NTF3: variants seen among roughly 807,000 people sequenced by gnomAD.
NTF3 encodes the protein neurotrophin-3.
In NTF3, 8 loss-of-function variants were observed where a neutral mutation model predicts 26.3. The observed-to-expected ratio is 0.30, with a 90% CI of 0.18 to 0.55. The LOEUF (loss-of-function observed/expected upper bound fraction) is 0.55, where lower values mean the gene tolerates loss of function less well. Among genes scored for constraint, NTF3 ranks in the 20% least tolerant of loss-of-function variants. The pLI, the probability that NTF3 is intolerant of heterozygous loss-of-function variation, is 0.93. For missense variants in NTF3, 276 were observed against 352.9 expected (o/e 0.78, Z 1.75); for synonymous variants, 154 against 145.5 (o/e 1.06, Z -0.42).
At chr12:5,446,903 T>C (rs1229288483) in intron 1 of NTF3, among the ~76,000 whole-genome samples, 1 of 152,184 alleles carries the variant, frequency 6.6e-6, no homozygotes, top group Non-Finnish European at 1.5e-5. Context: ...GCCGACCTGA[T>C]GCGAGAACCG....
At chr12:5,442,946 G>A (rs117404024) in intron 1 of NTF3, among the ~76,000 whole-genome samples, 2,995 of 151,342 alleles carry the variant, frequency 0.02, 44 homozygotes, top group Middle Eastern at 0.041. Flanking sequence ...GCAGACTACA[G>A]GATGTGGCAG....
At chr12:5,430,373 C>T (rs1235063706), upstream of NTF3, among the ~76,000 whole-genome samples, 1 of 151,958 alleles carries the variant, frequency 6.6e-6, no homozygotes, top group Non-Finnish European at 1.5e-5. Flanking sequence ...GTGGAGGGAA[C>T]GACTCGGCAG....
chr12:5,448,606 T>G (rs1940334740), intron 1 of NTF3, among the ~76,000 whole-genome samples: 1 of 152,174 alleles, frequency 6.6e-6, no homozygotes, highest in Non-Finnish European at 1.5e-5. Context: ...TTTGTTACAT[T>G]GTTTTGGGAG....
At chr12:5,464,607 G>C (rs71459949) in intron 1 of NTF3, among the ~76,000 whole-genome samples, 15,746 of 152,206 alleles carry the variant, frequency 0.1, 1,018 homozygotes, top group Middle Eastern at 0.16. Flanking sequence ...CAGTGAGCCT[G>C]GGTGGGGCCT....
chr12:5,464,338 A>T (rs970465542), intron 1 of NTF3, among the ~76,000 whole-genome samples: 6 of 152,184 alleles, frequency 3.9e-5, no homozygotes, highest in African/African-American at 1.4e-4. Context: ...CTGTGGAAGA[A>T]CTTTTTAGAA....
chr12:5,441,761 T>C (rs1441107876), intron 1 of NTF3, among the ~76,000 whole-genome samples: 5 of 152,240 alleles, frequency 3.3e-5, no homozygotes, highest in Non-Finnish European at 5.9e-5. Context: ...AGAGAGGCAG[T>C]GCACCTTGCC....
At chr12:5,478,945 A>G (rs1417179626) in intron 1 of NTF3, among the ~76,000 whole-genome samples, 2 of 152,208 alleles carry the variant, frequency 1.3e-5, no homozygotes, top group Admixed American at 1.3e-4. Flanking sequence ...GCCAAATTGC[A>G]GGGTTCCTTG....
At chr12:5,431,799 C>G (rs1037545160), upstream of NTF3, among the ~76,000 whole-genome samples, 1 of 152,102 alleles carries the variant, frequency 6.6e-6, no homozygotes, top group African/African-American at 2.4e-5. Flanking sequence ...TTTAACGTTT[C>G]GTTTTTTCCT....
chr12:5,480,287 T>A (rs1417949764), intron 1 of NTF3, among the ~76,000 whole-genome samples: 1 of 152,110 alleles, frequency 6.6e-6, no homozygotes, highest in Non-Finnish European at 1.5e-5. Context: ...ACGGGAACAT[T>A]GGAAGTTCGG....
intron 1 of NTF3, among the ~76,000 whole-genome samples, chr12:5,461,060 A>T (rs559003163): frequency 1.1e-4 from 17 of 152,232 alleles, no homozygotes; most frequent in Admixed American, 3.3e-4. Context: ...GAGTGTGCAG[A>T]GTGGGATTGG....
At chr12:5,485,224 T>C (rs996142767) in intron 1 of NTF3, among the ~76,000 whole-genome samples, 3 of 152,234 alleles carry the variant, frequency 2.0e-5, no homozygotes, top group African/African-American at 7.2e-5. Context: ...TTCCCCTTTA[T>C]GTTTCAGAGG....
At chr12:5,485,097 G>T (rs76466686) in intron 1 of NTF3, among the ~76,000 whole-genome samples, 2,077 of 152,294 alleles carry the variant, frequency 0.014, 22 homozygotes, top group Non-Finnish European at 0.019. Context: ...AATGAGGAAA[G>T]GAATATTTTA....
intron 1 of NTF3, among the ~76,000 whole-genome samples, chr12:5,447,367 G>A (rs1940319115): frequency 6.6e-6 from 1 of 152,198 alleles, no homozygotes; most frequent in South Asian, 2.1e-4. Flanking sequence ...AATGACTGAA[G>A]GAGGAGTTAA....
At chr12:5,444,802 ATGGT>A (rs1940283747) in intron 1 of NTF3, among the ~76,000 whole-genome samples, 2 of 152,186 alleles carry the variant, frequency 1.3e-5, no homozygotes, top group South Asian at 4.1e-4. Context: ...GGAATGGCTG[ATGGT>A]TGGATTGATG....
chr12:5,432,471 GCTCA>G, intron 1 of NTF3, 129 bp downstream of exon 1: 1 of 1,073,450 alleles, frequency 9.3e-7, no homozygotes, highest in Non-Finnish European at 1.4e-6. Flanking sequence ...ATCGCGCCGC[GCTCA>G]CTCACTTTCC....
At position 5,432,333 on chromosome 12, in the gene NTF3, T is replaced by C; in HGVS notation, c.9T>C (p.Thr3=). The C allele has an allele frequency of 6.2e-7, 1 of 1,613,252 alleles. No individual in the cohort carries two copies. Among genetic ancestry groups the C allele is most frequent in the Non-Finnish European group, 8.5e-7 (1 of 1,179,774 alleles). The change falls in exon 1 of 2, where the codon ACT becomes ACC. Residue 3 remains threonine (T), a synonymous_variant. Coordinates refer to ENST00000423158, the MANE Select transcript of NTF3 (RefSeq NM_001102654.2). ...ACGGCCACACGGATGCCATGGTTACTTTTGCCACGGTAAGGGGAGGCGGCG... is the reference window on the plus strand; with the variant it reads ...ACGGCCACACGGATGCCATGGTTACCTTTGCCACGGTAAGGGGAGGCGGCG... MV[T]FATILQVNKV...
chr12:5,433,969 G>C lies in NTF3; in HGVS notation c.18+1627G>C, dbSNP rs538410164. ...CTGCTTTTTAAATAAAGAGGTGCCC[G>C]CTCCTACCCCGCAAAACAGCGAACG... On this transcript the variant is annotated intron_variant, in intron 1 of 1. Transcript: ENST00000423158. This position sits in a 1 kb window ranked among gnomAD's most constrained non-coding sequence, Gnocchi z 4.6. Among the ~76,000 whole-genome samples, 12 of 152,298 alleles carry C rather than the reference G, an allele frequency of 7.9e-5. No individual in the cohort carries two copies. Among genetic ancestry groups the C allele is most frequent in the Admixed American group, 3.3e-4 (5 of 15,308 alleles).
Position 5,494,002 on chromosome 12 carries a change from C to A in NTF3, c.19-192C>A. ...AGAGTCGGCAGACCTGGAGTGCATT[C>A]GCAGTATCTCCCGGGGGTGGGGGAA... On this transcript the variant is annotated intron_variant, in intron 1 of 1. Transcript: ENST00000423158. The surrounding 1 kb of genome is among the most constrained non-coding windows in gnomAD (Gnocchi z 8.3). The A allele has an allele frequency of 1.7e-6, 1 of 602,196 alleles. No homozygotes were observed. Among genetic ancestry groups the A allele is most frequent in the Non-Finnish European group, 2.9e-6 (1 of 341,620 alleles). 37.3% of individuals were successfully genotyped at this position (602,196 alleles called of 1,614,324 possible). A position where few individuals can be genotyped will look rare whatever the true frequency, so the allele number is the denominator to read the frequency against.
chr12:5,443,224 T>C (rs1565384483), intron 1 of NTF3, among the ~76,000 whole-genome samples: 1 of 152,118 alleles, frequency 6.6e-6, no homozygotes, highest in Non-Finnish European at 1.5e-5. Flanking sequence ...GGGTTCCGCA[T>C]CCTCAAAGCA....
Sources: allele counts gnomAD v4.1 joint callset (sites outside exome capture counted in the v4.1 genomes callset), GRCh38; gene constraint gnomAD v4.1.1; non-coding constraint Gnocchi (gnomAD v3.1); transcripts MANE v1.5; gene names NCBI Gene and HGNC (gene_info 2026-07-23, HGNC 2026-07-21).